Variants in CNGB3 observed in about 807,000 individuals in gnomAD.
CNGB3 encodes cyclic nucleotide-gated channel beta-3.
CNGB3 carries 86 observed loss-of-function variants against 92.8 expected under a neutral mutation model. The ratio of observed to expected loss-of-function variants is 0.93; its 90% CI spans 0.78 to 1.11. The LOEUF is 1.11. Among genes scored for constraint, CNGB3 ranks in the 50% least tolerant of loss-of-function variants. The probability of loss-of-function intolerance (pLI) is 0.00; values close to 1 mark genes in which losing one functional copy is unlikely to be tolerated. For synonymous variants in CNGB3, 333 were observed against 332.7 expected (o/e 1.00, Z -0.01); for missense variants, 1,026 against 956.8 (o/e 1.07, Z -0.95).
At chr8:86,576,698 T>A (rs577109478) in intron 17 of CNGB3, among the ~76,000 whole-genome samples, 18 of 152,298 alleles carry the variant, frequency 1.2e-4, no homozygotes, top group Admixed American at 7.8e-4. Flanking sequence ...TAGCAAAAGG[T>A]ACACTATGCT....
rs370993753 is a variant in CNGB3 at position 86,581,968 on chromosome 8, C to T, written c.1782-2716G>A. ...CACTAGAGGCCTGTTTACCTCAGTC[C>T]ATATTATTTGTTACATAATTTTTAG... On this transcript the variant is annotated intron_variant, in intron 15 of 17. Coordinates refer to ENST00000320005, the MANE Select transcript of CNGB3 (RefSeq NM_019098.5). 9.6e-4 allele frequency among the ~76,000 whole-genome samples: 146 copies of T among 152,058 alleles called. 7 individuals carry two copies. The South Asian group carries it at 0.026, about 27-fold the overall frequency.
chr8:86,737,687 A>C (rs1240928168), intron 2 of CNGB3, among the ~76,000 whole-genome samples: 2 of 152,180 alleles, frequency 1.3e-5, no homozygotes, highest in Non-Finnish European at 2.9e-5. Flanking sequence ...TTCATCATCA[A>C]GGGAATAAGC....
At chr8:86,715,020 C>G (rs1205263323) in intron 3 of CNGB3, among the ~76,000 whole-genome samples, 1 of 152,086 alleles carries the variant, frequency 6.6e-6, no homozygotes, top group Admixed American at 6.6e-5. Context: ...CTCAGACACA[C>G]CTACGCCTAC....
intron 15 of CNGB3, among the ~76,000 whole-genome samples, chr8:86,595,801 G>C (rs187796616): frequency 6.6e-6 from 1 of 152,106 alleles, no homozygotes; most frequent in Admixed American, 6.5e-5. Flanking sequence ...TTTAAAAACT[G>C]AGTATTCAGA....
At chr8:86,742,228 G>C (rs1290341095) in intron 1 of CNGB3, among the ~76,000 whole-genome samples, 2 of 152,174 alleles carry the variant, frequency 1.3e-5, no homozygotes, top group Non-Finnish European at 2.9e-5. Flanking sequence ...TGGATGTAGT[G>C]ACTTTCCCAG....
intron 1 of CNGB3, among the ~76,000 whole-genome samples, chr8:86,742,406 C>T (rs977416299): frequency 1.3e-5 from 2 of 152,190 alleles, no homozygotes; most frequent in African/African-American, 2.4e-5. Context: ...CAGTCCTCCT[C>T]ATCTCCTCTC....
chr8:86,596,692 A>G (rs1437700843), intron 15 of CNGB3, among the ~76,000 whole-genome samples: 1 of 152,204 alleles, frequency 6.6e-6, no homozygotes, highest in Non-Finnish European at 1.5e-5. Context: ...AAGTGTCTTC[A>G]TGCAAACAAT....
chr8:86,635,768 A>C (rs1055024709), intron 10 of CNGB3, among the ~76,000 whole-genome samples: 1 of 147,456 alleles, frequency 6.8e-6, no homozygotes, highest in Admixed American at 6.8e-5. Context: ...GGCTGGATTA[A>C]CACATGAAGT....
chr8:86,668,680 TAATA>T (rs1252877865), intron 4 of CNGB3, among the ~76,000 whole-genome samples: 1 of 120,524 alleles, frequency 8.3e-6, no homozygotes, highest in Admixed American at 8.7e-5. Flanking sequence ...AAATAAATGT[TAATA>T]AATTTTTACA....
rs752985345 is a variant in CNGB3, at chr8:86,578,751, C to T, written c.2041G>A (p.Gly681Arg). ...GCAAGACTTGCTTTTCCTGTGCCTC[C>T]TAGGAGAGTTTTAAACAGTTTGGGT... ...ETPKLFKTLL[G>R]GTGKASLARL... The change falls in exon 17 of 18, where the codon GGA becomes AGA. Residue 681 changes from glycine to arginine, a missense_variant. Transcript: ENST00000320005. 2 of 1,613,904 alleles carry T rather than the reference C, an allele frequency of 1.2e-6. No individual in the cohort carries two copies. Among genetic ancestry groups the T allele is most frequent in the Non-Finnish European group, 1.7e-6 (2 of 1,179,922 alleles).
intron 15 of CNGB3, among the ~76,000 whole-genome samples, chr8:86,595,838 T>C (rs1448127452): frequency 1.3e-5 from 2 of 152,162 alleles, no homozygotes; most frequent in Non-Finnish European, 2.9e-5. Flanking sequence ...GATTTAAAGG[T>C]TAAAAGGAGT....
At chr8:86,591,597 C>T (rs926222653) in intron 15 of CNGB3, among the ~76,000 whole-genome samples, 1 of 152,048 alleles carries the variant, frequency 6.6e-6, no homozygotes, top group Admixed American at 6.6e-5. Flanking sequence ...GAGTACCCTG[C>T]CGTGTGAGGT....
intron 4 of CNGB3, 26 bp downstream of exon 4, chr8:86,670,918 C>A: frequency 1.2e-6 from 2 of 1,611,778 alleles, no homozygotes; most frequent in Non-Finnish European, 1.7e-6. Flanking sequence ...TCTTTCTTCC[C>A]AGTACTTGGA....
intron 11 of CNGB3, among the ~76,000 whole-genome samples, chr8:86,630,870 C>G (rs1822949200): frequency 6.6e-6 from 1 of 152,098 alleles, no homozygotes; most frequent in Non-Finnish European, 1.5e-5. Context: ...CAGACCCTGT[C>G]TCTTAATAAA....
intron 11 of CNGB3, among the ~76,000 whole-genome samples, chr8:86,629,335 A>C (rs1822914450): frequency 6.6e-6 from 1 of 152,190 alleles, no homozygotes. Context: ...TCTCTGATCC[A>C]ATAAGGACAA....
At chr8:86,598,411 A>G (rs1287880673) in intron 15 of CNGB3, among the ~76,000 whole-genome samples, 5 of 152,184 alleles carry the variant, frequency 3.3e-5, no homozygotes, top group African/African-American at 1.2e-4. Context: ...AGGGTGAAGT[A>G]GAGTGTCAAG....
At chr8:86,667,289 G>T (rs557065148) in intron 5 of CNGB3, among the ~76,000 whole-genome samples, 156 bp from the exon 6 acceptor site, 1 of 152,338 alleles carries the variant, frequency 6.6e-6, no homozygotes, top group Admixed American at 6.5e-5. Context: ...CCTCTGGACT[G>T]TGAGGCTCCG....
intron 7 of CNGB3, among the ~76,000 whole-genome samples, chr8:86,652,957 T>C (rs528625151): frequency 5.3e-5 from 8 of 152,256 alleles, no homozygotes; most frequent in Admixed American, 2.6e-4. Context: ...TATACTTTTA[T>C]ATGACTGGCA....
intron 6 of CNGB3, chr8:86,660,910 A>C (rs1277872961): frequency 3.1e-6 from 1 of 318,190 alleles, no homozygotes; most frequent in Non-Finnish European, 6.3e-6. Context: ...CCTCTTAAGA[A>C]ATACTCCTAC....
Sources: gnomAD v4.1 joint callset for allele counts (sites outside exome capture counted in the v4.1 genomes callset) on GRCh38, gnomAD v4.1.1 for gene constraint, MANE v1.5 for transcripts, NCBI Gene and HGNC (gene_info 2026-07-23, HGNC 2026-07-21) for gene names.